Variants in LCN8 observed in about 807,000 individuals in gnomAD.
LCN8 encodes lipocalin 8.
LCN8 carries 16 observed loss-of-function variants against 22.8 expected under a neutral mutation model. The ratio of observed to expected loss-of-function variants is 0.70; its 90% CI spans 0.47 to 1.06. LCN8 has a LOEUF of 1.06. Ranked by LOEUF, LCN8 falls within the 50% of genes least tolerant of loss-of-function variation. The pLI, the probability that LCN8 is intolerant of heterozygous loss-of-function variation, is 0.00. For missense variants in LCN8, 189 were observed against 203.3 expected (o/e 0.93, Z 0.43); for synonymous variants, 92 against 83.4 (o/e 1.10, Z -0.56).
chr9:136,757,370 G>A, intron 1 of LCN8: 3 of 1,432,704 alleles, frequency 2.1e-6, no homozygotes, highest in South Asian at 1.5e-5. Flanking sequence ...CAGGCCATCA[G>A]ACAGCAATGC....
rs962865575 is a variant in LCN8 at position 136,755,119 on chromosome 9, C to T, written c.447+16G>A. ...CGGGAACTTCAGCACAGGCCAGGGT[C>T]GGGGGTCAGGCTCACCTCCTTCAGG... On this transcript the variant is annotated intron_variant, in intron 6 of 6. Coordinates refer to ENST00000371688, the MANE Select transcript of LCN8 (RefSeq NM_178469.4). 2.3e-5 allele frequency: 35 copies of T among 1,549,662 alleles called. No individual in the cohort carries two copies. The highest frequency in any genetic ancestry group is 5.5e-5 in the African/African-American group (4 of 73,302).
chr9:136,757,820 C>T (rs1588310088), intron 1 of LCN8, 87 bp downstream of exon 1: 1 of 1,609,704 alleles, frequency 6.2e-7, no homozygotes, highest in Admixed American at 1.7e-5. Context: ...TCCCCACGAG[C>T]TCCCCACACC....
At position 136,754,413 on chromosome 9, in the gene LCN8, T is replaced by G. The variant is rs1230007275; in HGVS notation, c.*85A>C. The G allele has an allele frequency of 4.7e-6, 7 of 1,504,768 alleles. No homozygotes were observed. Among genetic ancestry groups the G allele is most frequent in the Non-Finnish European group, 6.2e-6 (7 of 1,122,832 alleles). The allele number at this position is 1,504,768 out of a possible 1,614,324, so 93.2% of individuals were successfully genotyped here. ...GACTTCACAGTTTATTCAGAGCAGG[T>G]GCAGGTGACCTGGTGGGCAGGGTGC... On this transcript the variant is annotated 3_prime_UTR_variant, in exon 7 of 7. Transcript: ENST00000371688.
At position 136,757,626 on chromosome 9, in the gene LCN8, C is replaced by A. The variant is rs1049902338; in HGVS notation, c.24+281G>T. 9.9e-6 allele frequency: 14 copies of A among 1,413,170 alleles called. No homozygotes were observed. In the South Asian group the frequency reaches 1.9e-4, roughly 19 times the overall value. 87.5% of individuals were successfully genotyped at this position (1,413,170 alleles called of 1,614,324 possible). ...AGGATGGGCCTCCTGCCCTCAGCAACCCGCCCAGAGCCGGGACTTCCGCTG... is the reference window on the plus strand; with the variant it reads ...AGGATGGGCCTCCTGCCCTCAGCAAACCGCCCAGAGCCGGGACTTCCGCTG... On this transcript the variant is annotated intron_variant, in intron 1 of 6. Coordinates refer to ENST00000371688, the MANE Select transcript of LCN8 (RefSeq NM_178469.4).
Position 136,758,004 on chromosome 9 carries a change from G to A in LCN8, c.-74C>T. 1 of 1,590,432 alleles carries A rather than the reference G, an allele frequency of 6.3e-7. No individual in the cohort carries two copies. ...GCACGGCAGCCTGGCCTCCGTGGCG[G>A]GGTCCGGGCTCCGGGTTCCCCTGCT... On this transcript the variant is annotated 5_prime_UTR_variant, in exon 1 of 7. Coordinates refer to ENST00000371688, the MANE Select transcript of LCN8 (RefSeq NM_178469.4).
rs1248723257 is a variant in LCN8 at position 136,757,103 on chromosome 9, C to T, written c.90G>A (p.Lys30=). 2 of 1,613,494 alleles carry T rather than the reference C, an allele frequency of 1.2e-6. No homozygotes were observed. Among genetic ancestry groups the T allele is most frequent in the African/African-American group, 1.3e-5 (1 of 74,926 alleles). Residue 30 remains lysine, a synonymous_variant, in exon 2 of 7, where the codon AAG becomes AAA. Coordinates refer to ENST00000371688, the MANE Select transcript of LCN8 (RefSeq NM_178469.4). ...SDQSLVLTAP[K]RVEGLFLTLS... is the part of the protein sequence containing the mutation. Reference sequence around the variant, plus strand: ...AGGTGAGGAACAAGCCCTCCACCCGCTTCGGGGCCGTCAGCACCAGGCTTT... The same window carrying T: ...AGGTGAGGAACAAGCCCTCCACCCGTTTCGGGGCCGTCAGCACCAGGCTTT...
intron 1 of LCN8, chr9:136,757,473 C>A: frequency 7.4e-7 from 1 of 1,354,348 alleles, no homozygotes. Flanking sequence ...CAGGCCCTGC[C>A]TGACCTCGGA....
intron 6 of LCN8, 155 bp downstream of exon 6, chr9:136,754,980 C>T (rs758106431): frequency 5.8e-4 from 817 of 1,412,960 alleles, no homozygotes; most frequent in Non-Finnish European, 7.3e-4. Context: ...TCTGGAGCTG[C>T]CCACCAGTGG....
chr9:136,758,286 C>T (rs1437334335), upstream of LCN8: 2 of 1,209,266 alleles, frequency 1.7e-6, no homozygotes, highest in East Asian at 7.6e-5. Flanking sequence ...GAGCTCCACC[C>T]ACACCACCTG....
chr9:136,755,283 G>C lies in LCN8; in HGVS notation c.382C>G (p.Leu128Val), dbSNP rs367779166. The C allele has an allele frequency of 6.2e-7, 1 of 1,611,678 alleles. No homozygotes were observed. The highest frequency in any genetic ancestry group is 1.1e-5 in the South Asian group (1 of 91,090). Residue 128 changes from leucine (L) to valine (V), a missense_variant, in exon 5 of 7, where the codon CTG becomes GTG. Physicochemically the swap from Leu to Val is conservative, Grantham distance 32. Transcript: ENST00000371688. ...DRLGFWKFRE[L>V]TADTGLYLAA... ...AGGTAGAGACCAGTGTCTGCTGTCA[G>C]CTCCCGAAACTTCCAGAACCCCAGC...
At chr9:136,757,017 A>C (rs1847224434) in intron 2 of LCN8, 21 bp downstream of exon 2, 5 of 1,610,846 alleles carry the variant, frequency 3.1e-6, no homozygotes, top group Middle Eastern at 1.7e-4. Flanking sequence ...CTTCCTCTCC[A>C]GCAGCCCCCA....
intron 2 of LCN8, among the ~76,000 whole-genome samples, 190 bp from the exon 3 acceptor site, chr9:136,756,782 C>G (rs936970841): frequency 2.0e-5 from 3 of 152,214 alleles, no homozygotes; most frequent in African/African-American, 7.2e-5. Context: ...TCCCTCCAGC[C>G]AGTCACCTGT....
intron 5 of LCN8, 27 bp downstream of exon 5, chr9:136,755,217 C>A (rs376530249): frequency 6.2e-7 from 1 of 1,610,994 alleles, no homozygotes; most frequent in Non-Finnish European, 8.5e-7. Context: ...CCCAGCCCAG[C>A]CTCCACCCCA....
At chr9:136,755,543 G>T (rs1406197940) in intron 3 of LCN8, 27 bp from the exon 4 acceptor site, 1 of 1,601,020 alleles carries the variant, frequency 6.2e-7, no homozygotes, top group East Asian at 2.3e-5. Flanking sequence ...TGGCGTTGGG[G>T]GAGACGTCTG....
intron 3 of LCN8, chr9:136,756,033 T>A: frequency 7.8e-7 from 1 of 1,283,528 alleles, no homozygotes; most frequent in Non-Finnish European, 1.0e-6. Flanking sequence ...GGAAACAGCA[T>A]GGGGAACAGT....
In LCN8 at chr9:136,755,141, C is replaced by T. The variant is rs1428350918; in HGVS notation, c.441G>A (p.Leu147=). 1.9e-6 allele frequency: 3 copies of T among 1,583,322 alleles called. No individual in the cohort carries two copies. The highest frequency in any genetic ancestry group is 2.7e-5 in the African/African-American group (2 of 74,208). ...GGTCGGGGGTCAGGCTCACCTCCTT[C>T]AGGAGCTCGGCACACCGCCCTGCAG... ...AARPGRCAEL[L]KEELI is the part of the protein sequence containing the mutation. Residue 147 remains leucine (L), a synonymous_variant, in exon 6 of 7, where the codon CTG becomes CTA. Coordinates refer to ENST00000371688, the MANE Select transcript of LCN8 (RefSeq NM_178469.4).
upstream of LCN8, chr9:136,758,273 G>C (rs1425472980): frequency 8.2e-7 from 1 of 1,224,462 alleles, no homozygotes; most frequent in Non-Finnish European, 1.0e-6. Context: ...CTGAGAGGAA[G>C]AGGAGCTCCA....
chr9:136,757,259 G>A, intron 1 of LCN8, 91 bp from the exon 2 acceptor site: 1 of 1,530,362 alleles, frequency 6.5e-7, no homozygotes, highest in South Asian at 1.2e-5. Context: ...GGCCTGCTGG[G>A]CTCTGAGAGG....
At chr9:136,755,184 A>T in intron 5 of LCN8, 24 bp from the exon 6 acceptor site, 1 of 1,605,650 alleles carries the variant, frequency 6.2e-7, no homozygotes, top group Non-Finnish European at 8.5e-7. Context: ...CAGCATGAGG[A>T]GCTGCAGAGT....
Sources: allele counts gnomAD v4.1 joint callset (sites outside exome capture counted in the v4.1 genomes callset), GRCh38; gene constraint gnomAD v4.1.1; transcripts MANE v1.5; gene names NCBI Gene and HGNC (gene_info 2026-07-23, HGNC 2026-07-21).